Variants in CHID1 observed in about 807,000 individuals in gnomAD.
CHID1 encodes chitinase domain containing 1.
A neutral mutation model predicts 55.4 loss-of-function variants in CHID1; 44 were observed. That is an observed-to-expected ratio of 0.79 (90% CI 0.62 to 1.02). The LOEUF (loss-of-function observed/expected upper bound fraction) is 1.02, where lower values mean the gene tolerates loss of function less well. Ranked by LOEUF, CHID1 falls within the 50% of genes least tolerant of loss-of-function variation. The pLI is 0.00. For synonymous variants in CHID1, 216 were observed against 212.9 expected (o/e 1.01, Z -0.13); for missense variants, 491 against 515.3 (o/e 0.95, Z 0.46).
At chr11:879,834 G>T (rs955671844) in intron 10 of CHID1, among the ~76,000 whole-genome samples, 1 of 152,236 alleles carries the variant, frequency 6.6e-6, no homozygotes, top group Non-Finnish European at 1.5e-5. Flanking sequence ...TTTGCACAGG[G>T]GATCCTGGGC....
chr11:892,497 C>G lies in CHID1; in HGVS notation c.701+930G>C, dbSNP rs144227756. Among the ~76,000 whole-genome samples the G allele has an allele frequency of 2.0e-5, 3 of 152,380 alleles. No individual in the cohort carries two copies. The East Asian group carries it at 5.8e-4, about 29-fold the overall frequency. On this transcript the variant is annotated intron_variant, in intron 8 of 12. Coordinates refer to ENST00000323578, the MANE Select transcript of CHID1 (RefSeq NM_023947.4). ...GCCCCCAGGGCTCAGCTCTCAGCAC[C>G]TCTTCTGCTTTCCACTTTCCAGGGT...
chr11:914,017 G>A (rs189035464), upstream of CHID1, among the ~76,000 whole-genome samples: 4 of 150,586 alleles, frequency 2.7e-5, no homozygotes, highest in Middle Eastern at 3.4e-3. Flanking sequence ...GCAATGAGCC[G>A]AGATCGCGCC....
intron 8 of CHID1, among the ~76,000 whole-genome samples, chr11:886,336 G>A (rs1589848538): frequency 6.6e-6 from 1 of 152,000 alleles, no homozygotes. Flanking sequence ...GTATGTGCCT[G>A]TAGTCCCAGC....
chr11:894,784 A>T (rs1851137308), intron 7 of CHID1, among the ~76,000 whole-genome samples: 1 of 152,206 alleles, frequency 6.6e-6, no homozygotes, highest in Non-Finnish European at 1.5e-5. Flanking sequence ...CAGTACCCAG[A>T]GGCCCTGGTG....
At chr11:903,784 A>G (rs1010162199) in intron 2 of CHID1, 2 of 193,798 alleles carry the variant, frequency 1.0e-5, no homozygotes, top group Non-Finnish European at 2.2e-5. Flanking sequence ...TTCACCTCAA[A>G]AAAAAAAAGA....
intron 8 of CHID1, among the ~76,000 whole-genome samples, chr11:892,313 G>A (rs1268445833): frequency 6.6e-6 from 1 of 152,198 alleles, no homozygotes; most frequent in African/African-American, 2.4e-5. Flanking sequence ...TGGCACATAA[G>A]GGAGAGGGAG....
At chr11:889,790 C>A (rs1429910941) in intron 8 of CHID1, among the ~76,000 whole-genome samples, 1 of 152,208 alleles carries the variant, frequency 6.6e-6, no homozygotes, top group Non-Finnish European at 1.5e-5. Flanking sequence ...TTCCCCAACC[C>A]TAACAGATGC....
At position 875,500 on chromosome 11, in the gene CHID1, C is replaced by A. The variant is rs568358939; in HGVS notation, c.960-5001G>T. ...AGGCACAAGCTGTAGACACTGAGGG[C>A]CCCGGGTGTGGAGAAGACCTGGCTC... On this transcript the variant is annotated intron_variant, in intron 10 of 12. Transcript: ENST00000323578. The surrounding 1 kb of genome is among the most constrained non-coding windows in gnomAD (Gnocchi z 4.7). 1.0e-3 allele frequency among the ~76,000 whole-genome samples: 155 copies of A among 152,312 alleles called. No homozygotes were observed. The highest frequency in any genetic ancestry group is 6.8e-3 in the Middle Eastern group (2 of 294).
At chr11:892,522 T>A (rs1850920124) in intron 8 of CHID1, among the ~76,000 whole-genome samples, 1 of 152,152 alleles carries the variant, frequency 6.6e-6, no homozygotes, top group Admixed American at 6.5e-5. Flanking sequence ...CTTTCCAGGG[T>A]CTTCCATCAA....
chr11:877,781 C>T (rs997699898), intron 10 of CHID1, among the ~76,000 whole-genome samples: 43 of 141,240 alleles, frequency 3.0e-4, no homozygotes, highest in Non-Finnish European at 3.0e-5. Flanking sequence ...CTTTAGAAGG[C>T]GGCACTGTGG....
intron 4 of CHID1, 119 bp downstream of exon 4, chr11:902,079 C>T (rs538659778): frequency 9.5e-5 from 107 of 1,124,594 alleles, no homozygotes; most frequent in Non-Finnish European, 1.3e-4. Context: ...GACACACACA[C>T]ACTCCCATAC....
intron 8 of CHID1, among the ~76,000 whole-genome samples, chr11:886,674 T>C (rs556346215): frequency 6.6e-6 from 1 of 152,344 alleles, no homozygotes; most frequent in African/African-American, 2.4e-5. Flanking sequence ...AGGTGCCGAC[T>C]GCACCAGGAA....
chr11:884,210 T>C, intron 8 of CHID1, 41 bp from the exon 9 acceptor site: 1 of 1,506,514 alleles, frequency 6.6e-7, no homozygotes, highest in Non-Finnish European at 9.2e-7. Context: ...TGCTATGCCC[T>C]GCCTGAAGCC....
upstream of CHID1, among the ~76,000 whole-genome samples, chr11:911,759 G>C (rs1326163319): frequency 6.6e-6 from 1 of 152,224 alleles, no homozygotes; most frequent in Non-Finnish European, 1.5e-5. Flanking sequence ...TGCGGTGCGA[G>C]GCACGTCCCC....
intron 10 of CHID1, among the ~76,000 whole-genome samples, chr11:877,435 TG>T (rs1243958418): frequency 5.3e-5 from 8 of 152,214 alleles, no homozygotes; most frequent in African/African-American, 1.9e-4. Context: ...TTTGTAATGA[TG>T]GGGTCTCTCT....
chr11:868,009 C>G lies in CHID1; in HGVS notation c.*1849G>C. The G allele has an allele frequency of 6.6e-6, 1 of 152,150 alleles. No individual in the cohort carries two copies. Among genetic ancestry groups the G allele is most frequent in the Admixed American group, 6.6e-5 (1 of 15,266 alleles). 9.4% of individuals were successfully genotyped at this position (152,150 alleles called of 1,614,324 possible). On this transcript the variant is annotated 3_prime_UTR_variant, in exon 13 of 13. Transcript: ENST00000323578. ...CTGCACCCCACAATCTCATTTCCAGCTAATTCCTGCCCCACCCTCTGCCCA... is the reference window on the plus strand; with the variant it reads ...CTGCACCCCACAATCTCATTTCCAGGTAATTCCTGCCCCACCCTCTGCCCA...
chr11:910,569 A>G, intron 1 of CHID1: 1 of 1,135,884 alleles, frequency 8.8e-7, no homozygotes, highest in Non-Finnish European at 1.1e-6. Flanking sequence ...TCGCTCTCAT[A>G]GCAACCCTCT....
At chr11:883,741 G>A (rs536117881) in intron 9 of CHID1, among the ~76,000 whole-genome samples, 8 of 152,358 alleles carry the variant, frequency 5.3e-5, no homozygotes, top group African/African-American at 9.6e-5. Context: ...CCCTGCCTGC[G>A]CCTGTGTCAC....
upstream of CHID1, among the ~76,000 whole-genome samples, chr11:912,915 T>A (rs1852779931): frequency 2.0e-5 from 3 of 152,010 alleles, no homozygotes; most frequent in South Asian, 6.2e-4. Context: ...AGGAAGATGC[T>A]GAATGATACA....
Sources: allele counts gnomAD v4.1 joint callset (sites outside exome capture counted in the v4.1 genomes callset), GRCh38; gene constraint gnomAD v4.1.1; non-coding constraint Gnocchi (gnomAD v3.1); transcripts MANE v1.5; gene names NCBI Gene and HGNC (gene_info 2026-07-23, HGNC 2026-07-21).